TBC1D5: variants seen among roughly 807,000 people sequenced by gnomAD.
TBC1D5 encodes the protein TBC1 domain family member 5, also known as TBC1 domain family, member 5.
Under a neutral mutation model 100.3 loss-of-function variants are expected in TBC1D5, and 75 were observed. The ratio of observed to expected loss-of-function variants is 0.75; its 90% confidence interval spans 0.62 to 0.91. The LOEUF (loss-of-function observed/expected upper bound fraction) is 0.91. Among genes scored for constraint, TBC1D5 ranks in the 40% least tolerant of loss-of-function variants. The pLI is 0.00. For missense variants in TBC1D5, 910 were observed against 942.4 expected (o/e 0.97, Z 0.45); for synonymous variants, 323 against 325.6 (o/e 0.99, Z 0.09).
chr3:17,204,629 G>C (rs1406866953), intron 18 of TBC1D5, among the ~76,000 whole-genome samples: 3 of 152,146 alleles, frequency 2.0e-5, no homozygotes, highest in African/African-American at 7.2e-5. Context: ...CCAGCATGAG[G>C]TGAATGAGTG....
At chr3:17,336,581 T>C (rs2087845647) in intron 13 of TBC1D5, among the ~76,000 whole-genome samples, 1 of 151,596 alleles carries the variant, frequency 6.6e-6, no homozygotes. Context: ...GAGAAAATGA[T>C]AAAGAGGAAA....
At chr3:17,593,933 G>C (rs531825375) in intron 2 of TBC1D5, among the ~76,000 whole-genome samples, 3 of 152,110 alleles carry the variant, frequency 2.0e-5, no homozygotes, top group African/African-American at 7.2e-5. Flanking sequence ...CATGATTCAC[G>C]GCTCTAGGAA....
chr3:17,646,434 CCAT>C (rs1560366086), intron 1 of TBC1D5, among the ~76,000 whole-genome samples: 1 of 152,120 alleles, frequency 6.6e-6, no homozygotes, highest in Non-Finnish European at 1.5e-5. Flanking sequence ...CAATTTTCTA[CCAT>C]CATCAAGCCC....
chr3:17,652,045 G>A (rs2065628061), intron 1 of TBC1D5, among the ~76,000 whole-genome samples: 1 of 152,040 alleles, frequency 6.6e-6, no homozygotes, highest in African/African-American at 2.4e-5. Context: ...GATGACCTAG[G>A]ACTAAAGACT....
chr3:17,572,487 C>T (rs547847019), intron 2 of TBC1D5, among the ~76,000 whole-genome samples: 32 of 152,060 alleles, frequency 2.1e-4, no homozygotes, highest in East Asian at 7.7e-4. Flanking sequence ...AACACTTTGA[C>T]GTCTCTCCTA....
At chr3:17,243,886 T>C (rs951792093) in intron 16 of TBC1D5, among the ~76,000 whole-genome samples, 3 of 152,140 alleles carry the variant, frequency 2.0e-5, no homozygotes, top group Admixed American at 6.5e-5. Context: ...TCAGCTTTGG[T>C]AATGCATTAA....
intron 2 of TBC1D5, among the ~76,000 whole-genome samples, chr3:17,563,502 G>A (rs2096572860): frequency 6.6e-6 from 1 of 152,154 alleles, no homozygotes; most frequent in Non-Finnish European, 1.5e-5. Flanking sequence ...ATTTCAAAAC[G>A]GAGTAAAGTT....
chr3:17,644,953 C>T (rs4637311), intron 1 of TBC1D5, among the ~76,000 whole-genome samples: 75,666 of 151,824 alleles, frequency 0.5, 20,450 homozygotes, highest in East Asian at 0.94. Flanking sequence ...CAAAACAAAA[C>T]ACTCTTGGTC....
chr3:17,438,797 C>G (rs938378406), intron 3 of TBC1D5, among the ~76,000 whole-genome samples: 1 of 151,914 alleles, frequency 6.6e-6, no homozygotes, highest in Non-Finnish European at 1.5e-5. Flanking sequence ...TTACTACAGT[C>G]CAACAAAAGC....
chr3:17,304,258 G>A (rs1459802842), intron 14 of TBC1D5, among the ~76,000 whole-genome samples: 2 of 152,018 alleles, frequency 1.3e-5, no homozygotes, highest in East Asian at 1.9e-4. Context: ...TATGCCCTGG[G>A]CCCAATTCTA....
At chr3:17,290,026 T>C (rs905126184) in intron 15 of TBC1D5, among the ~76,000 whole-genome samples, 3 of 152,224 alleles carry the variant, frequency 2.0e-5, no homozygotes, top group Non-Finnish European at 2.9e-5. Context: ...CCTATAGATA[T>C]CATCATTCCA....
intron 3 of TBC1D5, among the ~76,000 whole-genome samples, chr3:17,489,495 C>A (rs1051701190): frequency 6.6e-6 from 1 of 152,182 alleles, no homozygotes; most frequent in Non-Finnish European, 1.5e-5. Context: ...TCACTACCCC[C>A]AAGCCTCCAC....
intron 15 of TBC1D5, among the ~76,000 whole-genome samples, chr3:17,280,394 C>T (rs994592613): frequency 6.6e-6 from 1 of 152,144 alleles, no homozygotes; most frequent in African/African-American, 2.4e-5. Flanking sequence ...CCCTGTTTTC[C>T]CGCTGGAAAG....
At chr3:17,634,250 A>G (rs567192808) in intron 1 of TBC1D5, among the ~76,000 whole-genome samples, 3 of 152,332 alleles carry the variant, frequency 2.0e-5, no homozygotes, top group East Asian at 1.9e-4. Flanking sequence ...GGAAATCAGT[A>G]TATCAAAGAG....
intron 2 of TBC1D5, among the ~76,000 whole-genome samples, chr3:17,591,231 G>A (rs1239800421): frequency 8.4e-4 from 7 of 8,294 alleles, no homozygotes; most frequent in Non-Finnish European, 2.1e-3. Flanking sequence ...GAAAGGATCT[G>A]TCAAAAAAAA....
intron 2 of TBC1D5, among the ~76,000 whole-genome samples, chr3:17,512,014 T>G (rs2095914521): frequency 6.6e-6 from 1 of 152,062 alleles, no homozygotes; most frequent in African/African-American, 2.4e-5. Context: ...ATTTTTTTTA[T>G]CGTTTTGTTT....
intron 17 of TBC1D5, among the ~76,000 whole-genome samples, chr3:17,233,479 C>T (rs2075596899): frequency 6.6e-6 from 1 of 152,158 alleles, no homozygotes; most frequent in Non-Finnish European, 1.5e-5. Flanking sequence ...AAACCCACAT[C>T]ACAGCCATAT....
At chr3:17,560,251 A>T (rs1192195945) in intron 2 of TBC1D5, among the ~76,000 whole-genome samples, 1 of 152,228 alleles carries the variant, frequency 6.6e-6, no homozygotes, top group Non-Finnish European at 1.5e-5. Flanking sequence ...CAAACAACTC[A>T]GGTACTTCAG....
intron 15 of TBC1D5, among the ~76,000 whole-genome samples, chr3:17,284,413 G>A (rs2080958737): frequency 6.6e-6 from 1 of 152,092 alleles, no homozygotes; most frequent in Non-Finnish European, 1.5e-5. Flanking sequence ...CACCACGCCT[G>A]GCCATATTAT....
Sources: allele counts gnomAD v4.1 joint callset (sites outside exome capture counted in the v4.1 genomes callset), GRCh38; gene constraint gnomAD v4.1.1; transcripts MANE v1.5; gene names NCBI Gene and HGNC (gene_info 2026-07-23, HGNC 2026-07-21).